Variants in NRDE2 observed in about 807,000 individuals in gnomAD.
The protein encoded by NRDE2 is nuclear exosome regulator NRDE2.
In NRDE2, 76 loss-of-function variants were observed where a neutral mutation model predicts 124.2. That is an observed-to-expected ratio of 0.61 (90% CI 0.51 to 0.74). The LOEUF (loss-of-function observed/expected upper bound fraction) is 0.74. Ranked by LOEUF, NRDE2 falls within the 30% of genes least tolerant of loss-of-function variation. NRDE2 has a pLI of 0.00. For synonymous variants in NRDE2, 489 were observed against 528.1 expected, an observed-to-expected ratio of 0.93 and a Z score of 1.01; for missense variants, 1,314 against 1,417.3, an observed-to-expected ratio of 0.93 and a Z score of 1.17.
intron 1 of NRDE2, among the ~76,000 whole-genome samples, chr14:90,328,886 T>G (rs1336399682): frequency 6.6e-6 from 1 of 152,142 alleles, no homozygotes; most frequent in South Asian, 2.1e-4. Flanking sequence ...AAGGCATATA[T>G]CCACAAAATG....
In NRDE2 at chr14:90,304,141, T is replaced by A; in HGVS notation, c.799A>T (p.Thr267Ser). ...TAAATCCCCAGAGGATTCAACCAGGTTGTAACAGGAGCCGCATCTTCCAAG... is the reference window on the plus strand; with the variant it reads ...TAAATCCCCAGAGGATTCAACCAGGATGTAACAGGAGCCGCATCTTCCAAG... ...KDLEDAAPVT[T>S]WLNPLGIYDQ... Residue 267 changes from threonine to serine, a missense_variant, in exon 5 of 14, where the codon ACC becomes TCC. Thr to Ser is a moderately conservative substitution (Grantham distance 58). Transcript: ENST00000354366. 1 of 1,614,110 alleles carries A rather than the reference T, an allele frequency of 6.2e-7. No individual in the cohort carries two copies. Among genetic ancestry groups the A allele is most frequent in the Middle Eastern group, 1.6e-4 (1 of 6,062 alleles).
chr14:90,318,178 T>C (rs1885116682), intron 1 of NRDE2, 65 bp from the exon 2 acceptor site: 1 of 1,253,790 alleles, frequency 8.0e-7, no homozygotes, highest in Admixed American at 1.9e-5. Context: ...GCAGGAGATC[T>C]ATCCATCTTA....
At chr14:90,329,350 T>C (rs954492014) in intron 1 of NRDE2, among the ~76,000 whole-genome samples, 1 of 152,204 alleles carries the variant, frequency 6.6e-6, no homozygotes, top group Non-Finnish European at 1.5e-5. Context: ...AAGGCCCTGG[T>C]ATACACTTCC....
chr14:90,288,427 A>G lies in NRDE2; in HGVS notation c.2948T>C (p.Leu983Pro). 6.2e-7 allele frequency: 1 copy of G among 1,614,176 alleles called. No homozygotes were observed. The highest frequency in any genetic ancestry group is 1.1e-5 in the South Asian group (1 of 91,084). Residue 983 changes from leucine (L) to proline (P), a missense_variant, in exon 11 of 14, where the codon CTG becomes CCG. By Grantham distance (98) the Leu-to-Pro change is moderately conservative. Transcript: ENST00000354366. ...MKVSVYPLAP[L>P]REALSQALKL... The stretch of plus-strand genomic sequence containing the variant: ...TAAAGCCTGTGAGAGTGCCTCTCGC[A>G]GAGGGGCCAGCGGGTAAACACTCAC...
At chr14:90,298,075 A>C (rs1884246638) in intron 8 of NRDE2, among the ~76,000 whole-genome samples, 185 bp downstream of exon 8, 1 of 152,228 alleles carries the variant, frequency 6.6e-6, no homozygotes, top group Admixed American at 6.5e-5. Context: ...CTGAAGGAAT[A>C]AGTCCACTGC....
chr14:90,274,838 A>ACACACACACACACCCC lies in NRDE2; in HGVS notation c.*3497_*3498insGGGGTGTGTGTGTGTG, dbSNP rs1491397403. 3.0e-5 allele frequency: 2 copies of ACACACACACACACCCC among 67,182 alleles called. No homozygotes were observed. The highest frequency in any genetic ancestry group is 3.4e-4 in the East Asian group (1 of 2,966). The allele number at this position is 67,182 out of a possible 1,614,324, so 4.2% of individuals were successfully genotyped here. ...CACACACACACACACACACACACAC[A>ACACACACACACACCCC]CCCCAATACATATGAATTGATCTGA... On this transcript the variant is annotated 3_prime_UTR_variant, in exon 14 of 14. Transcript: ENST00000354366.
At chr14:90,285,441 A>C (rs1892078008) in intron 12 of NRDE2, among the ~76,000 whole-genome samples, 1 of 151,150 alleles carries the variant, frequency 6.6e-6, no homozygotes, top group Non-Finnish European at 1.5e-5. Flanking sequence ...GGCTGGGATT[A>C]CAGGTGCATA....
intron 12 of NRDE2, among the ~76,000 whole-genome samples, chr14:90,281,914 C>A (rs1891964754): frequency 6.6e-6 from 1 of 152,154 alleles, no homozygotes; most frequent in Non-Finnish European, 1.5e-5. Context: ...TCCCTCCCAC[C>A]AGCTCTTGTA....
At position 90,279,045 on chromosome 14, in the gene NRDE2, T is replaced by C. The variant is rs769019812; in HGVS notation, c.3369+17A>G. On this transcript the variant is annotated intron_variant, in intron 13 of 13. Transcript: ENST00000354366. ...AGTTTTCGGGAAGCTGAAGACACCA[T>C]GGCCTTTAACACTTACCTTTGCCCA... 5 of 1,582,432 alleles carry C rather than the reference T, an allele frequency of 3.2e-6. No homozygotes were observed. Among genetic ancestry groups the C allele is most frequent in the Middle Eastern group, 3.3e-4 (2 of 6,026 alleles).
At chr14:90,299,153 TCTC>T (rs1884295082) in intron 7 of NRDE2, among the ~76,000 whole-genome samples, 1 of 152,038 alleles carries the variant, frequency 6.6e-6, no homozygotes, top group Non-Finnish European at 1.5e-5. Context: ...CTCAAGCAAT[TCTC>T]CTACCTCAGC....
Position 90,290,422 on chromosome 14 carries a change from G to A in NRDE2, c.2028C>T (p.Pro676=), listed in dbSNP as rs748640850. The change falls in exon 10 of 14, where the codon CCC becomes CCT. Residue 676 remains proline (P), a synonymous_variant. Coordinates refer to ENST00000354366, the MANE Select transcript of NRDE2 (RefSeq NM_017970.4). The part of the protein sequence containing the change: ...IFDNGLYDEK[P]LTFFNPLFSG... The stretch of plus-strand genomic sequence containing the variant: ...AAAACAAAGGGTTGAAAAAAGTCAA[G>A]GGCTTTTCATCATAAAGTCCATTAT... 5.0e-6 allele frequency: 8 copies of A among 1,614,004 alleles called. No individual in the cohort carries two copies. The South Asian group carries it at 5.5e-5, about 11-fold the overall frequency.
intron 8 of NRDE2, among the ~76,000 whole-genome samples, chr14:90,297,000 G>A (rs1439365669): frequency 9.2e-5 from 14 of 151,944 alleles, no homozygotes; most frequent in Middle Eastern, 3.2e-3. Flanking sequence ...TTAGGAGGGC[G>A]TGGTGGTGCA....
rs1566693515 is a variant in NRDE2, at chr14:90,304,219, T to G, written c.721A>C (p.Ser241Arg). ...TCAGATGAGGGAGGTTCAGTTTTAC[T>G]GCTAATGGCAACTCCATCGATGTTC... Reference protein sequence around the residue: ...LMNIDGVAISSKTEPPSSEPI... With the variant: ...LMNIDGVAISRKTEPPSSEPI... Residue 241 changes from serine to arginine, a missense_variant, in exon 5 of 14, where the codon AGT (serine) becomes CGT (arginine). Ser to Arg is a moderately radical substitution (Grantham distance 110). Coordinates refer to ENST00000354366, the MANE Select transcript of NRDE2 (RefSeq NM_017970.4). 6.2e-7 allele frequency: 1 copy of G among 1,614,188 alleles called. No homozygotes were observed. Among genetic ancestry groups the G allele is most frequent in the Non-Finnish European group, 8.5e-7 (1 of 1,180,046 alleles).
At chr14:90,325,449 C>T (rs1885391011) in intron 1 of NRDE2, among the ~76,000 whole-genome samples, 1 of 152,106 alleles carries the variant, frequency 6.6e-6, no homozygotes, top group South Asian at 2.1e-4. Flanking sequence ...TTCTTGTTTC[C>T]TGAAAGAATG....
chr14:90,316,720 TTTTC>T lies in NRDE2; in HGVS notation c.261_264del (p.Lys89GlyfsTer69), dbSNP rs775172732. 7.4e-6 allele frequency: 12 copies of T among 1,613,748 alleles called. No homozygotes were observed. Among genetic ancestry groups the T allele is most frequent in the Non-Finnish European group, 1.0e-5 (12 of 1,180,012 alleles). ...TTCTTATGATGCTGATGCTTCCTTT[TTTTC>T]TTTTTCTCTTTCTTCTTTTTTCTAC... On this transcript the variant is annotated frameshift_variant, in exon 3 of 14. Transcript: ENST00000354366. LOFTEE classifies it high-confidence loss of function.
chr14:90,310,158 T>G (rs934290799), intron 4 of NRDE2, among the ~76,000 whole-genome samples: 3 of 152,222 alleles, frequency 2.0e-5, no homozygotes, highest in Non-Finnish European at 4.4e-5. Flanking sequence ...GTGATTTGCC[T>G]GGGACTTTAT....
intron 3 of NRDE2, among the ~76,000 whole-genome samples, chr14:90,315,145 C>A (rs1007195772): frequency 7.2e-6 from 1 of 138,750 alleles, no homozygotes; most frequent in Non-Finnish European, 1.5e-5. Flanking sequence ...CCACTGTACT[C>A]CAGCCTGGCC....
At position 90,304,062 on chromosome 14, in the gene NRDE2, G is replaced by A. The variant is rs1226783137; in HGVS notation, c.878C>T (p.Ser293Leu). The A allele has an allele frequency of 6.2e-7, 1 of 1,614,188 alleles. No homozygotes were observed. Among genetic ancestry groups the A allele is most frequent in the Non-Finnish European group, 8.5e-7 (1 of 1,180,016 alleles). Reference sequence around the variant, plus strand: ...GTCTGGCTGTGCGTCTGGCTGCTTTGATTCCTGCTCTGGAGGACCCTGTCC... The same window carrying A: ...GTCTGGCTGTGCGTCTGGCTGCTTTAATTCCTGCTCTGGAGGACCCTGTCC... ...LQGQGPPEQESKQPDAQPDSE... is the reference protein window; with the variant it reads ...LQGQGPPEQELKQPDAQPDSE... The change falls in exon 5 of 14, where the codon TCA becomes TTA. Residue 293 changes from serine to leucine, a missense_variant. Ser to Leu is a moderately radical substitution (Grantham distance 145). Transcript: ENST00000354366.
At position 90,277,622 on chromosome 14, in the gene NRDE2, C is replaced by G. The variant is rs1239337080; in HGVS notation, c.*714G>C. 1 of 152,404 alleles carries G rather than the reference C, an allele frequency of 6.6e-6. No homozygotes were observed. Among genetic ancestry groups the G allele is most frequent in the Admixed American group, 6.5e-5 (1 of 15,290 alleles). The allele number at this position is 152,404 out of a possible 1,614,324, so 9.4% of individuals were successfully genotyped here. ...GGCAGGGCTGGGGCTGGCGGTACAGCGTGCTCGGCTCCTAGACGGCTTGGG... is the reference window on the plus strand; with the variant it reads ...GGCAGGGCTGGGGCTGGCGGTACAGGGTGCTCGGCTCCTAGACGGCTTGGG... On this transcript the variant is annotated 3_prime_UTR_variant, in exon 14 of 14. Coordinates refer to ENST00000354366, the MANE Select transcript of NRDE2 (RefSeq NM_017970.4).
Sources: allele counts gnomAD v4.1 joint callset (sites outside exome capture counted in the v4.1 genomes callset), GRCh38; gene constraint gnomAD v4.1.1; transcripts MANE v1.5; gene names NCBI Gene and HGNC (gene_info 2026-07-23, HGNC 2026-07-21).